Variants in ABLIM2 observed in about 807,000 individuals in gnomAD.
The protein encoded by ABLIM2 is actin-binding LIM protein 2.
A neutral mutation model predicts 97.7 loss-of-function variants in ABLIM2; 53 were observed. The ratio of observed to expected loss-of-function variants is 0.54; its 90% CI spans 0.44 to 0.68. ABLIM2 has a LOEUF of 0.68. ABLIM2 is among the 30% of genes least tolerant of loss of function. The pLI is 0.00. For missense variants in ABLIM2, 835 were observed against 867.2 expected, an observed-to-expected ratio of 0.96 and a Z score of 0.47; for synonymous variants, 361 against 345.8, an observed-to-expected ratio of 1.04 and a Z score of -0.49.
intron 9 of ABLIM2, among the ~76,000 whole-genome samples, chr4:8,041,947 T>C (rs1280406475): frequency 6.6e-6 from 1 of 151,768 alleles, no homozygotes; most frequent in Non-Finnish European, 1.5e-5. Flanking sequence ...GAGCAGTTAC[T>C]ATGTGCCGTG....
chr4:8,044,469 A>G lies in ABLIM2; in HGVS notation c.900+695T>C, dbSNP rs563299902. Among the ~76,000 whole-genome samples, 5 of 151,876 alleles carry G rather than the reference A, an allele frequency of 3.3e-5. No homozygotes were observed. The highest frequency in any genetic ancestry group is 7.4e-5 in the Non-Finnish European group (5 of 67,976). ...AATTTACATATACATATGTATATGT[A>G]TGTATACATATATAAATTTAAATAT... On this transcript the variant is annotated intron_variant, in intron 9 of 20. Transcript: ENST00000447017. The surrounding 1 kb of genome is among the most constrained non-coding windows in gnomAD (Gnocchi z 4.4).
Position 8,132,893 on chromosome 4 carries a change from T to TTCCC in ABLIM2, c.10+25783_10+25786dup, listed in dbSNP as rs1027465493. On this transcript the variant is annotated intron_variant, in intron 1 of 20. Coordinates refer to ENST00000447017, the MANE Select transcript of ABLIM2 (RefSeq NM_001130083.2). This position sits in a 1 kb window ranked among gnomAD's most constrained non-coding sequence, Gnocchi z 8.0. The stretch of plus-strand genomic sequence containing the variant: ...GGGCACTCGGTAATTGGCATCTTTG[T>TTCCC]TCCCCAGTTCCTGACTCGATGGGTG... Among the ~76,000 whole-genome samples the TTCCC allele has an allele frequency of 5.9e-5, 9 of 152,190 alleles. No individual in the cohort carries two copies. The highest frequency in any genetic ancestry group is 5.9e-4 in the Admixed American group (9 of 15,286).
chr4:8,034,152 G>T (rs867704854), intron 10 of ABLIM2, among the ~76,000 whole-genome samples: 1 of 152,192 alleles, frequency 6.6e-6, no homozygotes, highest in Non-Finnish European at 1.5e-5. Flanking sequence ...TGGCCGAGAC[G>T]CGAGTCCTCA....
intron 13 of ABLIM2, 116 bp downstream of exon 13, chr4:8,020,086 C>A: frequency 4.5e-6 from 4 of 890,126 alleles, no homozygotes; most frequent in Non-Finnish European, 5.2e-6. Context: ...AGTGGAGGAG[C>A]CTGGAGTGTC....
rs1467442359 is a variant in ABLIM2, at chr4:8,032,859, G to A, written c.1048-3083C>T. On this transcript the variant is annotated intron_variant, in intron 10 of 20. Transcript: ENST00000447017. The surrounding 1 kb of genome is among the most constrained non-coding windows in gnomAD (Gnocchi z 4.3). ...GTCAGGGTTCCAGAACCTTCTCTTTGGAGAAACATGGTTAATTCTTCCCAG... is the reference window on the plus strand; with the variant it reads ...GTCAGGGTTCCAGAACCTTCTCTTTAGAGAAACATGGTTAATTCTTCCCAG... Among the ~76,000 whole-genome samples, 2 of 152,134 alleles carry A rather than the reference G, an allele frequency of 1.3e-5. No homozygotes were observed.
intron 2 of ABLIM2, among the ~76,000 whole-genome samples, chr4:8,099,095 C>T (rs6828452): frequency 7.0e-4 from 107 of 152,336 alleles, no homozygotes; most frequent in African/African-American, 2.5e-3. Context: ...CCAGGGTGCC[C>T]TTGCTCTGCA....
Position 7,998,762 on chromosome 4 carries a change from T to C in ABLIM2, c.1619-5835A>G. 1 of 438,790 alleles carries C rather than the reference T, an allele frequency of 2.3e-6. No individual in the cohort carries two copies. Among genetic ancestry groups the C allele is most frequent in the Non-Finnish European group, 4.6e-6 (1 of 217,598 alleles). The allele number at this position is 438,790 out of a possible 1,614,324, so 27.2% of individuals were successfully genotyped here. ...GCTGGCCTGGGCCACCTCCTGCTGC[T>C]GGGTGGGGGTGGGAGTGGGCAGGCA... On this transcript the variant is annotated intron_variant, in intron 16 of 20. Coordinates refer to ENST00000447017, the MANE Select transcript of ABLIM2 (RefSeq NM_001130083.2). The surrounding 1 kb of genome is among the most constrained non-coding windows in gnomAD (Gnocchi z 6.4).
Position 8,045,145 on chromosome 4 carries a change from T to A in ABLIM2, c.900+19A>T. 6.2e-7 allele frequency: 1 copy of A among 1,607,956 alleles called. No individual in the cohort carries two copies. The highest frequency in any genetic ancestry group is 8.5e-7 in the Non-Finnish European group (1 of 1,174,676). On this transcript the variant is annotated intron_variant, in intron 9 of 20. Transcript: ENST00000447017. Reference sequence around the variant, plus strand: ...CTCCACCCTCCCACCGCCGTCCCCATAAAAAGGCCCTGACTTACATAAATC... The same window carrying A: ...CTCCACCCTCCCACCGCCGTCCCCAAAAAAAGGCCCTGACTTACATAAATC...
At chr4:8,008,241 C>G (rs755545775) in intron 15 of ABLIM2, 41 bp from the exon 16 acceptor site, 1 of 1,585,252 alleles carries the variant, frequency 6.3e-7, no homozygotes, top group South Asian at 1.1e-5. Flanking sequence ...TCAAGGTCAT[C>G]TGCAATGGTG....
chr4:8,034,969 C>T (rs540879588), intron 10 of ABLIM2, among the ~76,000 whole-genome samples: 18 of 62,680 alleles, frequency 2.9e-4, no homozygotes, highest in Non-Finnish European at 5.3e-4. Context: ...TAGGTGGGTA[C>T]GGGTGGGTGG....
chr4:8,106,168 C>T (rs1837301178), intron 2 of ABLIM2, among the ~76,000 whole-genome samples: 1 of 152,220 alleles, frequency 6.6e-6, no homozygotes, highest in African/African-American at 2.4e-5. Context: ...CGTTTATTTA[C>T]CTGTGTGGCT....
In ABLIM2 at chr4:8,058,951, G is replaced by A. The variant is rs555690590; in HGVS notation, c.763+2016C>T. On this transcript the variant is annotated intron_variant, in intron 7 of 20. Transcript: ENST00000447017. This position sits in a 1 kb window ranked among gnomAD's most constrained non-coding sequence, Gnocchi z 4.2. ...CAGCAAGAAGCCCAGTACCTCGAGC[G>A]ACTTTCCACCTGCTGCCCCAACCCT... Among the ~76,000 whole-genome samples, 33 of 152,138 alleles carry A rather than the reference G, an allele frequency of 2.2e-4. No homozygotes were observed. The highest frequency in any genetic ancestry group is 6.5e-4 in the African/African-American group (27 of 41,518).
At chr4:8,135,648 A>T (rs1850081466) in intron 1 of ABLIM2, among the ~76,000 whole-genome samples, 1 of 152,188 alleles carries the variant, frequency 6.6e-6, no homozygotes, top group Admixed American at 6.5e-5. Context: ...TGAGAAATCA[A>T]TGTCTGCTGT....
chr4:8,127,521 G>A lies in ABLIM2; in HGVS notation c.11-20884C>T. On this transcript the variant is annotated intron_variant, in intron 1 of 20. Transcript: ENST00000447017. This position sits in a 1 kb window ranked among gnomAD's most constrained non-coding sequence, Gnocchi z 7.3. ...TCACGGCTCCCAGCCGGATGGTCTG[G>A]GCAAAAGCGCAGTTTGGGGATTTAC... 3.1e-6 allele frequency: 4 copies of A among 1,289,796 alleles called. No homozygotes were observed. Among genetic ancestry groups the A allele is most frequent in the Non-Finnish European group, 4.0e-6 (4 of 988,836 alleles). The allele number at this position is 1,289,796 out of a possible 1,614,324, so 79.9% of individuals were successfully genotyped here.
intron 3 of ABLIM2, among the ~76,000 whole-genome samples, chr4:8,088,839 TG>T (rs1248859126): frequency 6.6e-6 from 1 of 152,184 alleles, no homozygotes; most frequent in African/African-American, 2.4e-5. Flanking sequence ...AGAGAGGATA[TG>T]TAACTTTTCC....
Position 7,999,919 on chromosome 4 carries a change from C to G in ABLIM2, c.1619-6992G>C, listed in dbSNP as rs1182437325. Among the ~76,000 whole-genome samples, 1 of 152,218 alleles carries G rather than the reference C, an allele frequency of 6.6e-6. No individual in the cohort carries two copies. Among genetic ancestry groups the G allele is most frequent in the East Asian group, 1.9e-4 (1 of 5,200 alleles). On this transcript the variant is annotated intron_variant, in intron 16 of 20. Transcript: ENST00000447017. This position sits in a 1 kb window ranked among gnomAD's most constrained non-coding sequence, Gnocchi z 4.4. ...CTCCACAGGTCTGTCCTCTTCCAGG[C>G]TGGCTCATCAGAGGTCAAAGTCACC...
At chr4:8,134,521 G>A (rs1849911898) in intron 1 of ABLIM2, among the ~76,000 whole-genome samples, 1 of 152,224 alleles carries the variant, frequency 6.6e-6, no homozygotes, top group Admixed American at 6.5e-5. Context: ...CTCCCTGCCT[G>A]CAAAATGCAG....
chr4:8,026,594 A>C (rs1250229308), intron 12 of ABLIM2, among the ~76,000 whole-genome samples: 2 of 152,222 alleles, frequency 1.3e-5, no homozygotes, highest in African/African-American at 4.8e-5. Flanking sequence ...AGGATGGGGA[A>C]TTATTGCATT....
rs2152122042 is a variant in ABLIM2 at position 8,061,750 on chromosome 4, A to G, written c.676-696T>C. ...GCACGGCGGGTGCAGCCTATTGCTA[A>G]ATGTGGATGCTAAATCCCCGTGGCT... On this transcript the variant is annotated intron_variant, in intron 6 of 20. Transcript: ENST00000447017. The surrounding 1 kb of genome is among the most constrained non-coding windows in gnomAD (Gnocchi z 4.5). Among the ~76,000 whole-genome samples, 1 of 152,156 alleles carries G rather than the reference A, an allele frequency of 6.6e-6. No individual in the cohort carries two copies. The highest frequency in any genetic ancestry group is 1.9e-4 in the East Asian group (1 of 5,166).
Sources: allele counts gnomAD v4.1 joint callset (sites outside exome capture counted in the v4.1 genomes callset), GRCh38; gene constraint gnomAD v4.1.1; non-coding constraint Gnocchi (gnomAD v3.1); transcripts MANE v1.5; gene names NCBI Gene and HGNC (gene_info 2026-07-23, HGNC 2026-07-21).